Variants in ATP8B2 observed in about 807,000 individuals in gnomAD.
The protein encoded by ATP8B2 is ATPase phospholipid transporting 8B2.
Under a neutral mutation model 133.4 loss-of-function variants are expected in ATP8B2, and 70 were observed. That is an observed-to-expected ratio of 0.52 (90% CI 0.43 to 0.64). The LOEUF (loss-of-function observed/expected upper bound fraction) is 0.64. Among genes scored for constraint, ATP8B2 ranks in the 30% least tolerant of loss-of-function variants. The pLI is 0.00. For missense variants in ATP8B2, 1,101 were observed against 1,535.7 expected, an observed-to-expected ratio of 0.72 and a Z score of 4.73; for synonymous variants, 517 against 589.5, an observed-to-expected ratio of 0.88 and a Z score of 1.78.
chr1:154,332,805 A>T, intron 9 of ATP8B2, 108 bp downstream of exon 9: 1 of 825,538 alleles, frequency 1.2e-6, no homozygotes, highest in South Asian at 1.6e-5. Flanking sequence ...TTATTATGCA[A>T]CTCCCTGGAC....
chr1:154,350,053 C>CTTTTCTT lies in ATP8B2; in HGVS notation c.*946_*952dup, dbSNP rs1686732036. The CTTTTCTT allele has an allele frequency of 6.6e-6, 1 of 151,794 alleles. No homozygotes were observed. Among genetic ancestry groups the CTTTTCTT allele is most frequent in the Non-Finnish European group, 1.5e-5 (1 of 68,030 alleles). The allele number at this position is 151,794 out of a possible 1,614,324, so 9.4% of individuals were successfully genotyped here. On this transcript the variant is annotated 3_prime_UTR_variant, in exon 28 of 28. Coordinates refer to ENST00000368489, the MANE Select transcript of ATP8B2 (RefSeq NM_001370597.1). The stretch of plus-strand genomic sequence containing the variant: ...TTGGTCAGTGGGGAGGGGTAGTTTT[C>CTTTTCTT]TTTTCTTTTTTCTTTTTCTTTTTTT...
In ATP8B2 at chr1:154,348,881, G is replaced by T; in HGVS notation, c.3336G>T (p.Gln1112His). 6.2e-7 allele frequency: 1 copy of T among 1,613,068 alleles called. No individual in the cohort carries two copies. The highest frequency in any genetic ancestry group is 8.5e-7 in the Non-Finnish European group (1 of 1,179,322). ...TCGTGAGGAAGAAGCAGAAGGCCCA[G>T]CACCGCTGCATGCGGCGGGTTGGCC... ...TQLVRKKQKA[Q>H]HRCMRRVGRT... The change falls in exon 28 of 28, where the codon CAG becomes CAT. Residue 1112 changes from glutamine (Q) to histidine (H), a missense_variant. By Grantham distance (24) the Gln-to-His change is conservative. Transcript: ENST00000368489.
chr1:154,335,184 A>C, intron 11 of ATP8B2, among the ~76,000 whole-genome samples: 1 of 152,114 alleles, frequency 6.6e-6, no homozygotes, highest in East Asian at 1.9e-4. Context: ...CCCTGGCTTT[A>C]AAGAGTGTGC....
At chr1:154,330,521 A>T in intron 3 of ATP8B2, 67 bp downstream of exon 3, 1 of 1,536,094 alleles carries the variant, frequency 6.5e-7, no homozygotes, top group Non-Finnish European at 9.0e-7. Flanking sequence ...AGGACAACCT[A>T]CCGTTGGGAC....
intron 12 of ATP8B2, among the ~76,000 whole-genome samples, chr1:154,338,349 G>C (rs1686260691): frequency 8.1e-6 from 1 of 123,928 alleles, no homozygotes; most frequent in Non-Finnish European, 1.9e-5. Flanking sequence ...TGTGGACTTT[G>C]TATTTACTAA....
chr1:154,339,347 G>A (rs759994337), intron 12 of ATP8B2, among the ~76,000 whole-genome samples: 1 of 152,120 alleles, frequency 6.6e-6, no homozygotes, highest in Non-Finnish European at 1.5e-5. Context: ...GTTTTCCCAC[G>A]TGAAACAGGA....
chr1:154,328,910 C>T lies in ATP8B2; in HGVS notation c.31+738C>T, dbSNP rs541348313. On this transcript the variant is annotated intron_variant, in intron 2 of 27. Coordinates refer to ENST00000368489, the MANE Select transcript of ATP8B2 (RefSeq NM_001370597.1). This position sits in a 1 kb window ranked among gnomAD's most constrained non-coding sequence, Gnocchi z 4.6. ...TGAGCGGCTGCGGCTCCTGCACCTCCCCGGGGAGCCGCCCCGTCGATGCCA... is the reference window on the plus strand; with the variant it reads ...TGAGCGGCTGCGGCTCCTGCACCTCTCCGGGGAGCCGCCCCGTCGATGCCA... 1.1e-4 allele frequency: 146 copies of T among 1,282,254 alleles called. 2 individuals are homozygous for T. In the Admixed American group the frequency reaches 3.4e-3, roughly 30 times the overall value. 79.4% of individuals were successfully genotyped at this position (1,282,254 alleles called of 1,614,324 possible). A position where few individuals can be genotyped will look rare whatever the true frequency, so the allele number is the denominator to read the frequency against.
rs1558275112 is a variant in ATP8B2 at position 154,345,276 on chromosome 1, T to G, written c.2471-46T>G. Reference sequence around the variant, plus strand: ...GTAACTTGGTAGGCTCTAAAGTGTGTGGCCGGTGGCCATCTTCACCCTCTT... The same window carrying G: ...GTAACTTGGTAGGCTCTAAAGTGTGGGGCCGGTGGCCATCTTCACCCTCTT... On this transcript the variant is annotated intron_variant, in intron 22 of 27. Coordinates refer to ENST00000368489, the MANE Select transcript of ATP8B2 (RefSeq NM_001370597.1). The surrounding 1 kb of genome is among the most constrained non-coding windows in gnomAD (Gnocchi z 5.6). 4 of 1,610,456 alleles carry G rather than the reference T, an allele frequency of 2.5e-6. No homozygotes were observed. Among genetic ancestry groups the G allele is most frequent in the Admixed American group, 1.7e-5 (1 of 59,838 alleles).
chr1:154,343,168 C>T lies in ATP8B2; in HGVS notation c.1509C>T (p.Ala503=), dbSNP rs1189877891. The T allele has an allele frequency of 6.2e-6, 10 of 1,614,126 alleles. No individual in the cohort carries two copies. The highest frequency in any genetic ancestry group is 8.5e-6 in the Non-Finnish European group (10 of 1,180,036). The change falls in exon 16 of 28, where the codon GCC becomes GCT. Residue 503 remains alanine, a synonymous_variant. Coordinates refer to ENST00000368489, the MANE Select transcript of ATP8B2 (RefSeq NM_001370597.1). This position sits in a 1 kb window ranked among gnomAD's most constrained non-coding sequence, Gnocchi z 5.8. ...ATGAGGGGGCCCTGGTCACCGCAGC[C>T]AGGAACTTTGGTTTTGTTTTCCGCT... ...SPDEGALVTA[A]RNFGFVFRSR...
At chr1:154,332,343 G>T (rs1333974165) in intron 8 of ATP8B2, among the ~76,000 whole-genome samples, 1 of 152,120 alleles carries the variant, frequency 6.6e-6, no homozygotes, top group Non-Finnish European at 1.5e-5. Flanking sequence ...AGACCAGCCT[G>T]GGCAAGATGG....
Position 154,351,241 on chromosome 1 carries a change from C to T in ATP8B2, c.*2123C>T, listed in dbSNP as rs1330653152. Reference sequence around the variant, plus strand: ...AATTTATGACACATTTCTATACTTGCAAAAATTATATCATTTTATGGATAT... The same window carrying T: ...AATTTATGACACATTTCTATACTTGTAAAAATTATATCATTTTATGGATAT... On this transcript the variant is annotated 3_prime_UTR_variant, in exon 28 of 28. Coordinates refer to ENST00000368489, the MANE Select transcript of ATP8B2 (RefSeq NM_001370597.1). 1 of 152,234 alleles carries T rather than the reference C, an allele frequency of 6.6e-6. No individual in the cohort carries two copies. Among genetic ancestry groups the T allele is most frequent in the Admixed American group, 6.6e-5 (1 of 15,222 alleles). The allele number at this position is 152,234 out of a possible 1,614,324, so 9.4% of individuals were successfully genotyped here.
intron 26 of ATP8B2, among the ~76,000 whole-genome samples, chr1:154,347,491 TG>T: frequency 6.6e-6 from 1 of 152,278 alleles, no homozygotes; most frequent in South Asian, 2.1e-4. Context: ...AGCTTACTTA[TG>T]TTTTTAAAGG....
Position 154,343,631 on chromosome 1 carries a change from T to C in ATP8B2, c.1758+63T>C. ...CTACTCTTAGTGTGGGGGAGGCGACTTAAGTTTGTTTTATTGTGTAAATTT... is the reference window on the plus strand; with the variant it reads ...CTACTCTTAGTGTGGGGGAGGCGACCTAAGTTTGTTTTATTGTGTAAATTT... On this transcript the variant is annotated intron_variant, in intron 17 of 27. Coordinates refer to ENST00000368489, the MANE Select transcript of ATP8B2 (RefSeq NM_001370597.1). This position sits in a 1 kb window ranked among gnomAD's most constrained non-coding sequence, Gnocchi z 5.8. 1 of 1,463,438 alleles carries C rather than the reference T, an allele frequency of 6.8e-7. No homozygotes were observed. Among genetic ancestry groups the C allele is most frequent in the East Asian group, 2.3e-5 (1 of 43,678 alleles). 90.7% of individuals were successfully genotyped at this position (1,463,438 alleles called of 1,614,324 possible).
rs890158780 is a variant in ATP8B2, at chr1:154,345,461, GTTTCTTTGCTAT to G, written c.2613_2624del (p.Leu872_Phe875del). On this transcript the variant is annotated inframe_deletion, in exon 23 of 28. Transcript: ENST00000368489. The surrounding 1 kb of genome is among the most constrained non-coding windows in gnomAD (Gnocchi z 5.6). ...GCTGGTCCTACCTGCGAATGTGCAAGTTTCTTTGCTATTTCTTCTACAAAAACTTTGCTTTCA... is the reference window on the plus strand; with the variant it reads ...GCTGGTCCTACCTGCGAATGTGCAAGTTCTTCTACAAAAACTTTGCTTTCA... 1 of 1,614,108 alleles carries G rather than the reference GTTTCTTTGCTAT, an allele frequency of 6.2e-7. No individual in the cohort carries two copies. The highest frequency in any genetic ancestry group is 8.5e-7 in the Non-Finnish European group (1 of 1,180,040).
At position 154,331,306 on chromosome 1, in the gene ATP8B2, G is replaced by C. The variant is rs1033401273; in HGVS notation, c.304-138G>C. 1 of 1,149,476 alleles carries C rather than the reference G, an allele frequency of 8.7e-7. No individual in the cohort carries two copies. Among genetic ancestry groups the C allele is most frequent in the South Asian group, 1.4e-5 (1 of 73,720 alleles). The allele number at this position is 1,149,476 out of a possible 1,614,324, so 71.2% of individuals were successfully genotyped here. On this transcript the variant is annotated intron_variant, in intron 5 of 27. Coordinates refer to ENST00000368489, the MANE Select transcript of ATP8B2 (RefSeq NM_001370597.1). This position sits in a 1 kb window ranked among gnomAD's most constrained non-coding sequence, Gnocchi z 4.8. Reference sequence around the variant, plus strand: ...CATGATGTCTTTTTGCTGAGCGTGGGGAGAGGGAATCAGGGAGTGAACTGG... The same window carrying C: ...CATGATGTCTTTTTGCTGAGCGTGGCGAGAGGGAATCAGGGAGTGAACTGG...
Position 154,331,921 on chromosome 1 carries a change from A to G in ATP8B2, c.439-33A>G. Reference sequence around the variant, plus strand: ...CAGCCCACTGGGGGTGGAGGTTTGCATATTTGGACTTCTCATTAGTTTTTC... The same window carrying G: ...CAGCCCACTGGGGGTGGAGGTTTGCGTATTTGGACTTCTCATTAGTTTTTC... On this transcript the variant is annotated intron_variant, in intron 7 of 27. Coordinates refer to ENST00000368489, the MANE Select transcript of ATP8B2 (RefSeq NM_001370597.1). The surrounding 1 kb of genome is among the most constrained non-coding windows in gnomAD (Gnocchi z 4.8). The G allele has an allele frequency of 1.3e-6, 2 of 1,595,300 alleles. No individual in the cohort carries two copies. The highest frequency in any genetic ancestry group is 2.2e-5 in the South Asian group (2 of 90,676).
In ATP8B2 at chr1:154,331,530, C is replaced by T; in HGVS notation, c.365+25C>T. On this transcript the variant is annotated intron_variant, in intron 6 of 27. Transcript: ENST00000368489. This position sits in a 1 kb window ranked among gnomAD's most constrained non-coding sequence, Gnocchi z 4.8. ...TGTGAGTGCCTGTTGGAGACAAGAG[C>T]TCTGGGGACGAAGGGGGTCCCTTAG... The T allele has an allele frequency of 6.2e-7, 1 of 1,613,824 alleles. No homozygotes were observed. Among genetic ancestry groups the T allele is most frequent in the Non-Finnish European group, 8.5e-7 (1 of 1,179,716 alleles).
rs1686440461 is a variant in ATP8B2, at chr1:154,343,061, A to G, written c.1454-52A>G. On this transcript the variant is annotated intron_variant, in intron 15 of 27. Transcript: ENST00000368489. The surrounding 1 kb of genome is among the most constrained non-coding windows in gnomAD (Gnocchi z 5.8). ...TGGGCTGGGGCTTCCTGGGCGGGGC[A>G]CGTGGCTGAGGGAAGCCACTTATAT... is the stretch of plus-strand genomic sequence containing the variant. 6.3e-7 allele frequency: 1 copy of G among 1,596,512 alleles called. No homozygotes were observed. The highest frequency in any genetic ancestry group is 1.3e-5 in the African/African-American group (1 of 74,536).
intron 1 of ATP8B2, among the ~76,000 whole-genome samples, chr1:154,326,826 T>C (rs147088159): frequency 6.6e-6 from 1 of 152,206 alleles, no homozygotes; most frequent in Non-Finnish European, 1.5e-5. Context: ...TGCCCACTCT[T>C]GCATCCTTTA....
Sources: gnomAD v4.1 joint callset for allele counts (sites outside exome capture counted in the v4.1 genomes callset) on GRCh38, gnomAD v4.1.1 for gene constraint, Gnocchi (gnomAD v3.1) non-coding constraint, MANE v1.5 for transcripts, NCBI Gene and HGNC (gene_info 2026-07-23, HGNC 2026-07-21) for gene names.